EPAS1: variants seen among roughly 807,000 people sequenced by gnomAD.
EPAS1 encodes endothelial PAS domain-containing protein 1.
In EPAS1, 23 loss-of-function variants were observed where a neutral mutation model predicts 87.9. The observed-to-expected ratio is 0.26, with a 90% CI of 0.19 to 0.37. The LOEUF (loss-of-function observed/expected upper bound fraction) is 0.37, where lower values mean the gene tolerates loss of function less well. EPAS1 is among the 10% of genes least tolerant of loss of function. EPAS1 has a pLI of 1.00. For missense variants in EPAS1, 1,138 were observed against 1,120.7 expected, an observed-to-expected ratio of 1.02 and a Z score of -0.22; for synonymous variants, 508 against 444.3, an observed-to-expected ratio of 1.14 and a Z score of -1.80.
At chr2:46,312,300 A>G (rs181326753) in intron 1 of EPAS1, among the ~76,000 whole-genome samples, 107 of 152,312 alleles carry the variant, frequency 7.0e-4, no homozygotes, top group Non-Finnish European at 2.2e-4. Flanking sequence ...GGAGTTTGAA[A>G]GACTTTTCTA....
At chr2:46,311,437 C>T (rs962291993) in intron 1 of EPAS1, among the ~76,000 whole-genome samples, 5 of 152,114 alleles carry the variant, frequency 3.3e-5, no homozygotes, top group African/African-American at 4.8e-5. Context: ...TGGAGCACAG[C>T]GCAGCCCAAA....
chr2:46,356,636 T>C, intron 3 of EPAS1, 88 bp from the exon 4 acceptor site: 2 of 1,069,354 alleles, frequency 1.9e-6, no homozygotes, highest in Non-Finnish European at 2.9e-6. Flanking sequence ...CCTCCCTGCC[T>C]CCAAATCTGG....
rs543963590 is a variant in EPAS1 at position 46,362,624 on chromosome 2, C to T, written c.779+1534C>T. 1.7e-3 allele frequency among the ~76,000 whole-genome samples: 263 copies of T among 152,314 alleles called. 2 individuals are homozygous for T. Among genetic ancestry groups the T allele is most frequent in the African/African-American group, 6.0e-3 (251 of 41,564 alleles). On this transcript the variant is annotated intron_variant, in intron 6 of 15. Transcript: ENST00000263734. ...CTTTTCTCTTATCAGCTGGACATCC[C>T]AAGGGCATCTGGTTTCTTCATGGGA...
intron 14 of EPAS1, 148 bp downstream of exon 14, chr2:46,382,237 G>C: frequency 1.9e-6 from 2 of 1,039,912 alleles, no homozygotes; most frequent in Non-Finnish European, 2.9e-6. Flanking sequence ...TGTCTCTCCC[G>C]CAGTCCCACA....
chr2:46,331,019 A>G (rs1252524571), intron 1 of EPAS1, among the ~76,000 whole-genome samples: 4 of 151,838 alleles, frequency 2.6e-5, no homozygotes, highest in South Asian at 2.1e-4. Flanking sequence ...CCTCAACACT[A>G]TTGAGTGTGT....
chr2:46,348,830 T>C (rs1684087030), intron 2 of EPAS1, among the ~76,000 whole-genome samples: 1 of 152,246 alleles, frequency 6.6e-6, no homozygotes, highest in South Asian at 2.1e-4. Context: ...GCATTTCCTT[T>C]GAATGTTGTG....
chr2:46,354,876 A>C (rs1416232258), intron 2 of EPAS1, among the ~76,000 whole-genome samples: 1 of 152,092 alleles, frequency 6.6e-6, no homozygotes, highest in African/African-American at 2.4e-5. Flanking sequence ...GCCTCTCTTC[A>C]GTCCTAGGAC....
At chr2:46,370,546 G>C (rs1019079952) in intron 7 of EPAS1, among the ~76,000 whole-genome samples, 1 of 152,142 alleles carries the variant, frequency 6.6e-6, no homozygotes, top group Non-Finnish European at 1.5e-5. Context: ...ACCCAGGGAT[G>C]GCGTATGGAA....
At chr2:46,307,415 CAA>C (rs1021654036) in intron 1 of EPAS1, among the ~76,000 whole-genome samples, 1 of 152,192 alleles carries the variant, frequency 6.6e-6, no homozygotes, top group African/African-American at 2.4e-5. Flanking sequence ...TCACTGGTGA[CAA>C]GAGAGCTTCT....
At chr2:46,333,491 T>C (rs1020051455) in intron 1 of EPAS1, among the ~76,000 whole-genome samples, 9 of 152,048 alleles carry the variant, frequency 5.9e-5, no homozygotes, top group African/African-American at 1.7e-4. Context: ...CAGGCCTATG[T>C]TGGCTCTCAA....
chr2:46,384,438 C>A (rs2103682069), intron 15 of EPAS1, 71 bp from the exon 16 acceptor site: 1 of 1,605,746 alleles, frequency 6.2e-7, no homozygotes, highest in South Asian at 1.1e-5. Context: ...ATCCCCCAGT[C>A]ACAAAGAAGT....
In EPAS1 at chr2:46,356,165, G is replaced by C. The variant is rs370125133; in HGVS notation, c.232G>C (p.Glu78Gln). 16 of 1,485,992 alleles carry C rather than the reference G, an allele frequency of 1.1e-5. No homozygotes were observed. The highest frequency in any genetic ancestry group is 8.9e-5 in the African/African-American group (6 of 67,472). 92.1% of individuals were successfully genotyped at this position (1,485,992 alleles called of 1,614,324 possible). Reference sequence around the variant, plus strand: ...CCCCTTTCCAGTTTGCTCTGAAAACGAGTCCGAAGCCGAAGCTGACCAGCA... The same window carrying C: ...CCCCTTTCCAGTTTGCTCTGAAAACCAGTCCGAAGCCGAAGCTGACCAGCA... ...KLLSSVCSENESEAEADQQMD... is the reference protein window; with the variant it reads ...KLLSSVCSENQSEAEADQQMD... The change falls in exon 3 of 16, where the codon GAG (glutamate) becomes CAG (glutamine). Residue 78 changes from glutamate to glutamine, a missense_variant. Physicochemically the swap from Glu to Gln is conservative, Grantham distance 29. Transcript: ENST00000263734.
rs17035035 is a variant in EPAS1, at chr2:46,353,684, G to A, written c.218-2467G>A. Among the ~76,000 whole-genome samples the A allele has an allele frequency of 9.8e-3, 1,499 of 152,300 alleles. 16 individuals are homozygous for A. Among genetic ancestry groups the A allele is most frequent in the African/African-American group, 0.034 (1,400 of 41,542 alleles). On this transcript the variant is annotated intron_variant, in intron 2 of 15. Transcript: ENST00000263734. ...TGGCATCGCCCACACCTGGGACATT[G>A]CATCATCGCTTCAGCGGGCTGATGA...
intron 1 of EPAS1, among the ~76,000 whole-genome samples, chr2:46,327,962 A>T (rs1448024954): frequency 6.6e-6 from 1 of 152,018 alleles, no homozygotes; most frequent in African/African-American, 2.4e-5. Flanking sequence ...CCCAAATGTT[A>T]ACCTACCTCC....
At chr2:46,368,755 G>A (rs1438419098) in intron 6 of EPAS1, among the ~76,000 whole-genome samples, 1 of 152,144 alleles carries the variant, frequency 6.6e-6, no homozygotes, top group Admixed American at 6.5e-5. Flanking sequence ...TGAGACTGTG[G>A]CATCACTTCT....
At chr2:46,362,985 TGGTGGTG>T (rs1684429680) in intron 6 of EPAS1, among the ~76,000 whole-genome samples, 2 of 80,106 alleles carry the variant, frequency 2.5e-5, no homozygotes, top group African/African-American at 9.7e-5. Context: ...GTAGTGGTGG[TGGTGGTG>T]GTGGTGGTGG....
intron 6 of EPAS1, among the ~76,000 whole-genome samples, chr2:46,368,373 C>T (rs956898753): frequency 3.9e-5 from 6 of 152,036 alleles, no homozygotes; most frequent in African/African-American, 1.4e-4. Context: ...GGAGAGGGGT[C>T]TTCCATGACA....
chr2:46,365,963 AAAACTTTCATCCTCTT>A (rs1175905777), intron 6 of EPAS1, among the ~76,000 whole-genome samples: 2 of 152,266 alleles, frequency 1.3e-5, no homozygotes. Context: ...CAAAGTACTT[AAAACTTTCATCCTCTT>A]AAACAGTTTA....
intron 7 of EPAS1, 110 bp downstream of exon 7, chr2:46,370,043 T>C (rs1684595438): frequency 2.4e-6 from 2 of 842,170 alleles, no homozygotes. Flanking sequence ...ACAGAGCTGC[T>C]GTCTTGTGTG....
Sources: allele counts gnomAD v4.1 joint callset (sites outside exome capture counted in the v4.1 genomes callset), GRCh38; gene constraint gnomAD v4.1.1; transcripts MANE v1.5; gene names NCBI Gene and HGNC (gene_info 2026-07-23, HGNC 2026-07-21).